TTC23: variants seen among roughly 807,000 people sequenced by gnomAD.
TTC23 encodes the protein tetratricopeptide repeat domain 23.
In TTC23, 58 loss-of-function variants were observed where a neutral mutation model predicts 55.1. The ratio of observed to expected loss-of-function variants is 1.05; its 90% CI spans 0.85 to 1.31. The LOEUF (loss-of-function observed/expected upper bound fraction) is 1.31. Ranked by LOEUF, TTC23 falls within the 50% of genes most tolerant of loss-of-function variation. The probability of loss-of-function intolerance (pLI) is 0.00; values close to 1 mark genes in which losing one functional copy is unlikely to be tolerated. For missense variants in TTC23, 516 were observed against 534.4 expected, an observed-to-expected ratio of 0.97 and a Z score of 0.34; for synonymous variants, 203 against 199.9, an observed-to-expected ratio of 1.02 and a Z score of -0.13.
chr15:99,209,166 T>TA (rs577454246), intron 8 of TTC23, among the ~76,000 whole-genome samples: 16 of 152,222 alleles, frequency 1.1e-4, no homozygotes, highest in Non-Finnish European at 1.9e-4. Context: ...AGACTCGTTT[T>TA]AACAAGCAAT....
intron 8 of TTC23, among the ~76,000 whole-genome samples, chr15:99,207,137 C>G (rs987751835): frequency 3.3e-5 from 5 of 151,730 alleles, no homozygotes; most frequent in Non-Finnish European, 5.9e-5. Flanking sequence ...GAAAAGTAAC[C>G]CTGTGTCTTT....
At chr15:99,147,787 G>T (rs1209552557) in intron 12 of TTC23, among the ~76,000 whole-genome samples, 1 of 152,128 alleles carries the variant, frequency 6.6e-6, no homozygotes, top group African/African-American at 2.4e-5. Flanking sequence ...AAGGACAAAT[G>T]AGGCTCTACA....
At chr15:99,179,301 G>A (rs139053516) in intron 9 of TTC23, among the ~76,000 whole-genome samples, 270 of 152,172 alleles carry the variant, frequency 1.8e-3, no homozygotes, top group Middle Eastern at 3.4e-3. Context: ...CTCTTGGGGG[G>A]CCCTAGATCT....
intron 3 of TTC23, among the ~76,000 whole-genome samples, chr15:99,237,632 T>C (rs1385628678): frequency 6.6e-6 from 1 of 152,082 alleles, no homozygotes; most frequent in African/African-American, 2.4e-5. Flanking sequence ...TGCCCTGAAT[T>C]GGGCTAAGGA....
At chr15:99,197,741 A>G (rs931613980) in intron 9 of TTC23, among the ~76,000 whole-genome samples, 1 of 151,866 alleles carries the variant, frequency 6.6e-6, no homozygotes, top group Non-Finnish European at 1.5e-5. Context: ...CATCATCTCT[A>G]CTAAAAATAC....
intron 9 of TTC23, among the ~76,000 whole-genome samples, chr15:99,196,099 C>A (rs1298459580): frequency 6.6e-6 from 1 of 150,818 alleles, no homozygotes; most frequent in Non-Finnish European, 1.5e-5. Flanking sequence ...CTGCAGTGAG[C>A]CAAGATCGCA....
chr15:99,199,804 G>T, intron 9 of TTC23, 115 bp downstream of exon 9: 1 of 1,074,276 alleles, frequency 9.3e-7, no homozygotes, highest in Non-Finnish European at 1.3e-6. Context: ...GCCAACTGTT[G>T]TCCTTATCTA....
At chr15:99,187,464 AAAAAC>A (rs1263129317) in intron 9 of TTC23, among the ~76,000 whole-genome samples, 2 of 145,178 alleles carry the variant, frequency 1.4e-5, no homozygotes, top group Non-Finnish European at 3.0e-5. Flanking sequence ...AAAAAAAAAA[AAAAAC>A]AAAACAAAAG....
rs2067615391 is a variant in TTC23, at chr15:99,136,665, T to C, written c.*1345A>G. ...CCCCCAATACCATCCCTTTGGGGAT[T>C]AGGGCTTCAACGTGAATTGGGAGCA... is the stretch of plus-strand genomic sequence containing the variant. On this transcript the variant is annotated 3_prime_UTR_variant, in exon 14 of 14. Transcript: ENST00000394132. The C allele has an allele frequency of 6.6e-6, 1 of 152,322 alleles. No individual in the cohort carries two copies. Among genetic ancestry groups the C allele is most frequent in the Admixed American group, 6.5e-5 (1 of 15,280 alleles). The allele number at this position is 152,322 out of a possible 1,614,324, so 9.4% of individuals were successfully genotyped here.
intron 9 of TTC23, among the ~76,000 whole-genome samples, chr15:99,199,030 C>T (rs564189756): frequency 1.3e-5 from 2 of 152,260 alleles, no homozygotes; most frequent in South Asian, 2.1e-4. Flanking sequence ...TCTGGTCAAA[C>T]GCTAGTCTAG....
chr15:99,142,109 T>G (rs1555490687), intron 12 of TTC23, among the ~76,000 whole-genome samples: 1 of 152,146 alleles, frequency 6.6e-6, no homozygotes, highest in Non-Finnish European at 1.5e-5. Context: ...ATTTAGGAAC[T>G]TTGACTAAGC....
At chr15:99,175,544 G>T (rs2073450348) in intron 9 of TTC23, among the ~76,000 whole-genome samples, 1 of 152,232 alleles carries the variant, frequency 6.6e-6, no homozygotes, top group Non-Finnish European at 1.5e-5. Context: ...CCCAAAAGTG[G>T]GACCTACCGG....
intron 8 of TTC23, among the ~76,000 whole-genome samples, chr15:99,214,363 C>T: frequency 6.6e-6 from 1 of 151,934 alleles, no homozygotes; most frequent in Non-Finnish European, 1.5e-5. Context: ...AAAAAATTAG[C>T]CAGGCGTGGT....
At chr15:99,225,142 C>G (rs2078285003) in intron 5 of TTC23, among the ~76,000 whole-genome samples, 1 of 152,198 alleles carries the variant, frequency 6.6e-6, no homozygotes, top group Non-Finnish European at 1.5e-5. Context: ...TTGGGCTTCC[C>G]TGATAATAGC....
rs189955370 is a variant in TTC23 at position 99,238,179 on chromosome 15, G to A, written c.-113-3099C>T. The stretch of plus-strand genomic sequence containing the variant: ...AGATGGGGTTTCACCATGTTGGCCA[G>A]GTTGGTCTTGAACTCCTGACCTCAA... On this transcript the variant is annotated intron_variant, in intron 3 of 13. Coordinates refer to ENST00000394132, the MANE Select transcript of TTC23 (RefSeq NM_001288615.3). Among the ~76,000 whole-genome samples, 50 of 152,002 alleles carry A rather than the reference G, an allele frequency of 3.3e-4. No homozygotes were observed. The East Asian group carries it at 7.9e-3, about 24-fold the overall frequency.
intron 8 of TTC23, among the ~76,000 whole-genome samples, chr15:99,213,008 G>GAAAAAAA (rs1567501244): frequency 1.9e-5 from 2 of 104,468 alleles, no homozygotes; most frequent in African/African-American, 3.7e-5. Flanking sequence ...AAAAAAAAAG[G>GAAAAAAA]GGGGGACATA....
At chr15:99,185,136 T>C (rs1311833063) in intron 9 of TTC23, among the ~76,000 whole-genome samples, 3 of 152,198 alleles carry the variant, frequency 2.0e-5, no homozygotes, top group Middle Eastern at 3.2e-3. Flanking sequence ...CTTACAGCAA[T>C]GTGAGAATGG....
At chr15:99,239,824 T>A (rs2079622412) in intron 3 of TTC23, among the ~76,000 whole-genome samples, 1 of 152,206 alleles carries the variant, frequency 6.6e-6, no homozygotes, top group South Asian at 2.1e-4. Context: ...AATATATACA[T>A]AACACTTTAT....
At chr15:99,189,408 G>T (rs2075034076) in intron 9 of TTC23, among the ~76,000 whole-genome samples, 1 of 152,186 alleles carries the variant, frequency 6.6e-6, no homozygotes, top group Admixed American at 6.5e-5. Context: ...GAAAATTTAT[G>T]TGAGAAGCAA....
Sources: allele counts gnomAD v4.1 joint callset (sites outside exome capture counted in the v4.1 genomes callset), GRCh38; gene constraint gnomAD v4.1.1; transcripts MANE v1.5; gene names NCBI Gene and HGNC (gene_info 2026-07-23, HGNC 2026-07-21).